The following SLC5A3 variants were observed in gnomAD, a reference collection of about 807,000 sequenced individuals.
SLC5A3 encodes the protein sodium/myo-inositol cotransporter.
SLC5A3 carries 10 observed loss-of-function variants against 43.2 expected under a neutral mutation model. The ratio of observed to expected loss-of-function variants is 0.23; its 90% CI spans 0.14 to 0.39. The LOEUF (loss-of-function observed/expected upper bound fraction) is 0.39. SLC5A3 is among the 10% of genes least tolerant of loss of function. The pLI is 1.00. For missense variants in SLC5A3, 608 were observed against 893.4 expected (o/e 0.68, Z 4.07); for synonymous variants, 349 against 322.0 (o/e 1.08, Z -0.90).
rs145168781 is a variant in SLC5A3, at chr21:34,104,384, G to A, written c.*7029G>A. The A allele has an allele frequency of 1.1e-4, 114 of 999,974 alleles. No individual in the cohort carries two copies. Among genetic ancestry groups the A allele is most frequent in the African/African-American group, 1.6e-4 (9 of 57,176 alleles). The allele number at this position is 999,974 out of a possible 1,614,324, so 61.9% of individuals were successfully genotyped here. ...TTTTCCACCTCCTCACTTCACCTCCGAGTAGCTTGTTTATCAAGAATGAAT... is the reference window on the plus strand; with the variant it reads ...TTTTCCACCTCCTCACTTCACCTCCAAGTAGCTTGTTTATCAAGAATGAAT... On this transcript the variant is annotated 3_prime_UTR_variant, in exon 2 of 2. Transcript: ENST00000381151.
intron 1 of SLC5A3, among the ~76,000 whole-genome samples, chr21:34,074,921 C>T (rs748224954): frequency 1.2e-4 from 18 of 152,134 alleles, no homozygotes; most frequent in Non-Finnish European, 1.9e-4. Context: ...GAAGGGACGC[C>T]AGTGCCTCTC....
chr21:34,097,084 A>G lies in SLC5A3; in HGVS notation c.1886A>G (p.Asp629Gly), dbSNP rs1169911487. Residue 629 changes from aspartate (D) to glycine (G), a missense_variant, in exon 2 of 2, where the codon GAC becomes GGC. Transcript: ENST00000381151. ...LGHSEAETPV[D>G]AYSNGQAALM... is the part of the protein sequence containing the mutation. Reference sequence around the variant, plus strand: ...CATTCAGAGGCAGAAACACCAGTTGACGCTTACTCCAATGGGCAAGCAGCT... The same window carrying G: ...CATTCAGAGGCAGAAACACCAGTTGGCGCTTACTCCAATGGGCAAGCAGCT... 6.2e-7 allele frequency: 1 copy of G among 1,614,090 alleles called. No homozygotes were observed. The highest frequency in any genetic ancestry group is 1.1e-5 in the South Asian group (1 of 91,080).
chr21:34,082,426 T>C (rs780770099), intron 1 of SLC5A3, among the ~76,000 whole-genome samples: 6 of 152,202 alleles, frequency 3.9e-5, no homozygotes, highest in East Asian at 1.9e-4. Context: ...CTGAGTGATA[T>C]CTTGTTTTAG....
chr21:34,095,979 T>C lies in SLC5A3; in HGVS notation c.781T>C (p.Trp261Arg). The C allele has an allele frequency of 6.2e-7, 1 of 1,614,140 alleles. No homozygotes were observed. Among genetic ancestry groups the C allele is most frequent in the Non-Finnish European group, 8.5e-7 (1 of 1,180,002 alleles). The change falls in exon 2 of 2, where the codon TGG (tryptophan) becomes CGG (arginine). Residue 261 changes from tryptophan (W) to arginine (R), a missense_variant. Transcript: ENST00000381151. ...GAATCCAACAGATGAAGATGTTCCT[T>C]GGCCTGGATTCATTCTTGGGCAGAC... ...LRNPTDEDVP[W>R]PGFILGQTPA... is the part of the protein sequence containing the mutation.
chr21:34,074,911 G>A (rs1418599186), intron 1 of SLC5A3, among the ~76,000 whole-genome samples: 2 of 152,180 alleles, frequency 1.3e-5, no homozygotes, highest in South Asian at 2.1e-4. Flanking sequence ...TGTTAACTGG[G>A]AAGGGACGCC....
chr21:34,097,582 T>C lies in SLC5A3; in HGVS notation c.*227T>C, dbSNP rs1296173463. On this transcript the variant is annotated 3_prime_UTR_variant, in exon 2 of 2. Coordinates refer to ENST00000381151, the MANE Select transcript of SLC5A3 (RefSeq NM_006933.7). ...CCTAACAGACTGAATTGTGCAAATG[T>C]GGTTTTAAATTTTGCATACCAAAGT... 1 of 1,281,086 alleles carries C rather than the reference T, an allele frequency of 7.8e-7. No homozygotes were observed. Among genetic ancestry groups the C allele is most frequent in the Non-Finnish European group, 9.9e-7 (1 of 1,006,346 alleles). 79.4% of individuals were successfully genotyped at this position (1,281,086 alleles called of 1,614,324 possible). A position where few individuals can be genotyped will look rare whatever the true frequency, so the allele number is the denominator to read the frequency against.
At position 34,098,766 on chromosome 21, in the gene SLC5A3, G is replaced by C. The variant is rs1437248082; in HGVS notation, c.*1411G>C. On this transcript the variant is annotated 3_prime_UTR_variant, in exon 2 of 2. Coordinates refer to ENST00000381151, the MANE Select transcript of SLC5A3 (RefSeq NM_006933.7). ...CCCACTTGCAGCTAGTGGGTACAGG[G>C]TACAAAAGATGTTAGAGAAAAGCTC... The C allele has an allele frequency of 2.0e-6, 2 of 1,000,186 alleles. No homozygotes were observed. The highest frequency in any genetic ancestry group is 3.5e-5 in the African/African-American group (2 of 57,342). The allele number at this position is 1,000,186 out of a possible 1,614,324, so 62.0% of individuals were successfully genotyped here.
At chr21:34,092,049 T>C (rs1284821048) in intron 1 of SLC5A3, among the ~76,000 whole-genome samples, 1 of 152,048 alleles carries the variant, frequency 6.6e-6, no homozygotes, top group East Asian at 1.9e-4. Flanking sequence ...TGTATTCTTA[T>C]AAAAATAAGG....
intron 1 of SLC5A3, among the ~76,000 whole-genome samples, chr21:34,082,162 A>T (rs1989474084): frequency 6.6e-6 from 1 of 152,070 alleles, no homozygotes; most frequent in Admixed American, 6.5e-5. Context: ...CTAGATATTC[A>T]GATAATTAGC....
Position 34,103,753 on chromosome 21 carries a change from G to A in SLC5A3, c.*6398G>A. ...GTATCTAAACTGGTCCTAATGGTAA[G>A]GGACCCAAAGGAATAATCTCAATAA... On this transcript the variant is annotated 3_prime_UTR_variant, in exon 2 of 2. Coordinates refer to ENST00000381151, the MANE Select transcript of SLC5A3 (RefSeq NM_006933.7). 1 of 999,666 alleles carries A rather than the reference G, an allele frequency of 1.0e-6. No homozygotes were observed. Among genetic ancestry groups the A allele is most frequent in the Non-Finnish European group, 1.2e-6 (1 of 829,566 alleles). The allele number at this position is 999,666 out of a possible 1,614,324, so 61.9% of individuals were successfully genotyped here.
Position 34,105,665 on chromosome 21 carries a change from G to A in SLC5A3, c.*8310G>A, listed in dbSNP as rs1325858655. 2 of 997,612 alleles carry A rather than the reference G, an allele frequency of 2.0e-6. No homozygotes were observed. Among genetic ancestry groups the A allele is most frequent in the Non-Finnish European group, 2.4e-6 (2 of 827,760 alleles). The allele number at this position is 997,612 out of a possible 1,614,324, so 61.8% of individuals were successfully genotyped here. ...TAGGCCAAATGTGATTATAAATGAA[G>A]TTGATGAACATTAATTTTGTTATTA... On this transcript the variant is annotated 3_prime_UTR_variant, in exon 2 of 2. Coordinates refer to ENST00000381151, the MANE Select transcript of SLC5A3 (RefSeq NM_006933.7).
intron 1 of SLC5A3, among the ~76,000 whole-genome samples, chr21:34,090,692 A>G (rs1239012236): frequency 6.6e-6 from 1 of 152,212 alleles, no homozygotes; most frequent in East Asian, 1.9e-4. Flanking sequence ...TGCACTGGGC[A>G]ATACTAGCTT....
At position 34,099,022 on chromosome 21, in the gene SLC5A3, T is replaced by C. The variant is rs1260863637; in HGVS notation, c.*1667T>C. 3 of 990,850 alleles carry C rather than the reference T, an allele frequency of 3.0e-6. No homozygotes were observed. In the East Asian group the frequency reaches 3.4e-4, roughly 113 times the overall value. 61.4% of individuals were successfully genotyped at this position (990,850 alleles called of 1,614,324 possible). ...TTTAATTTTTTTGTAGTCTATAAACTAGTTTCATTATGATGGACTTGATTA... is the reference window on the plus strand; with the variant it reads ...TTTAATTTTTTTGTAGTCTATAAACCAGTTTCATTATGATGGACTTGATTA... On this transcript the variant is annotated 3_prime_UTR_variant, in exon 2 of 2. Transcript: ENST00000381151.
At chr21:34,079,417 C>G (rs749821995) in intron 1 of SLC5A3, among the ~76,000 whole-genome samples, 2 of 151,676 alleles carry the variant, frequency 1.3e-5, no homozygotes, top group Non-Finnish European at 2.9e-5. Context: ...TGATGTTACT[C>G]CCTTGATTTC....
chr21:34,105,990 G>A lies in SLC5A3; in HGVS notation c.*8635G>A. ...CTTGGTTTCATGTGTTTTTGAAAGTGTTATTGTTTAAAAAATGAAAAAAGC... is the reference window on the plus strand; with the variant it reads ...CTTGGTTTCATGTGTTTTTGAAAGTATTATTGTTTAAAAAATGAAAAAAGC... On this transcript the variant is annotated 3_prime_UTR_variant, in exon 2 of 2. Transcript: ENST00000381151. The A allele has an allele frequency of 2.0e-6, 2 of 995,010 alleles. No homozygotes were observed. The highest frequency in any genetic ancestry group is 2.4e-6 in the Non-Finnish European group (2 of 825,266). The allele number at this position is 995,010 out of a possible 1,614,324, so 61.6% of individuals were successfully genotyped here. A position where few individuals can be genotyped will look rare whatever the true frequency, so the allele number is the denominator to read the frequency against.
rs1979006460 is a variant in SLC5A3 at position 34,097,229 on chromosome 21, G to T, written c.2031G>T (p.Leu677=). The T allele has an allele frequency of 1.2e-6, 2 of 1,613,974 alleles. No individual in the cohort carries two copies. Among genetic ancestry groups the T allele is most frequent in the Admixed American group, 3.3e-5 (2 of 60,000 alleles). Residue 677 remains leucine (L), a synonymous_variant, in exon 2 of 2, where the codon CTG becomes CTT. Coordinates refer to ENST00000381151, the MANE Select transcript of SLC5A3 (RefSeq NM_006933.7). Reference sequence around the variant, plus strand: ...TCAGCAAGAGGAGTCTCAGAGACCTGATGGAAGAGGAGGCTGTTTGTTTAC... The same window carrying T: ...TCAGCAAGAGGAGTCTCAGAGACCTTATGGAAGAGGAGGCTGTTTGTTTAC... ...KSLSKRSLRD[L]MEEEAVCLQM...
rs893948985 is a variant in SLC5A3, at chr21:34,102,209, A to C, written c.*4854A>C. On this transcript the variant is annotated 3_prime_UTR_variant, in exon 2 of 2. Transcript: ENST00000381151. Reference sequence around the variant, plus strand: ...TGACTCCTAGGAGAGAATTTAGTTAAGGTTCAAAGTAATTAACTGGCTTTG... The same window carrying C: ...TGACTCCTAGGAGAGAATTTAGTTACGGTTCAAAGTAATTAACTGGCTTTG... The C allele has an allele frequency of 3.0e-6, 3 of 999,826 alleles. No homozygotes were observed. The African/African-American group carries it at 5.2e-5, about 17-fold the overall frequency. 61.9% of individuals were successfully genotyped at this position (999,826 alleles called of 1,614,324 possible).
chr21:34,095,475 C>G lies in SLC5A3; in HGVS notation c.277C>G (p.Leu93Val). The change falls in exon 2 of 2, where the codon CTG becomes GTG. Residue 93 changes from leucine (L) to valine (V), a missense_variant. Leu to Val is a conservative substitution (Grantham distance 32). This residue lies in a region of SLC5A3 where 398 missense variants were observed against 668.6 expected (regional missense o/e 0.60). Coordinates refer to ENST00000381151, the MANE Select transcript of SLC5A3 (RefSeq NM_006933.7). Reference sequence around the variant, plus strand: ...CAATGCCTTACTGCTTTTACAACTTCTGGGATGGGTTTTCATCCCAATTTA... The same window carrying G: ...CAATGCCTTACTGCTTTTACAACTTGTGGGATGGGTTTTCATCCCAATTTA... ...EFNALLLLQL[L>V]GWVFIPIYIR... 1 of 1,614,140 alleles carries G rather than the reference C, an allele frequency of 6.2e-7. No individual in the cohort carries two copies. Among genetic ancestry groups the G allele is most frequent in the Non-Finnish European group, 8.5e-7 (1 of 1,179,998 alleles).
chr21:34,101,168 C>T lies in SLC5A3; in HGVS notation c.*3813C>T. Reference sequence around the variant, plus strand: ...AAGTGAGATAAGTACCTGGGTGACACAGATATTAGCCCGTTGGTAAAAGAC... The same window carrying T: ...AAGTGAGATAAGTACCTGGGTGACATAGATATTAGCCCGTTGGTAAAAGAC... On this transcript the variant is annotated 3_prime_UTR_variant, in exon 2 of 2. Transcript: ENST00000381151. 1.0e-6 allele frequency: 1 copy of T among 1,000,068 alleles called. No individual in the cohort carries two copies. The highest frequency in any genetic ancestry group is 1.2e-6 in the Non-Finnish European group (1 of 829,932). The allele number at this position is 1,000,068 out of a possible 1,614,324, so 61.9% of individuals were successfully genotyped here.
Sources: allele counts gnomAD v4.1 joint callset (sites outside exome capture counted in the v4.1 genomes callset), GRCh38; gene constraint gnomAD v4.1.1; regional missense constraint gnomAD v4.1.1; transcripts MANE v1.5; gene names NCBI Gene and HGNC (gene_info 2026-07-23, HGNC 2026-07-21).